ZNF350: variants seen among roughly 807,000 people sequenced by gnomAD.
ZNF350 encodes KRAB zinc finger protein ZFQR.
ZNF350 carries 5 observed loss-of-function variants against 13.1 expected under a neutral mutation model. The ratio of observed to expected loss-of-function variants is 0.38; its 90% CI spans 0.20 to 0.80. The LOEUF (loss-of-function observed/expected upper bound fraction) is 0.80. Among genes scored for constraint, ZNF350 ranks in the 30% least tolerant of loss-of-function variants. The probability of loss-of-function intolerance (pLI) is 0.43; values close to 1 mark genes in which losing one functional copy is unlikely to be tolerated. For missense variants in ZNF350, 534 were observed against 644.2 expected (o/e 0.83, Z 1.85); for synonymous variants, 199 against 224.2 (o/e 0.89, Z 1.00).
chr19:51,968,674 C>T lies in ZNF350; in HGVS notation c.143-1G>A, dbSNP rs971706670. 10 of 1,613,934 alleles carry T rather than the reference C, an allele frequency of 6.2e-6. No homozygotes were observed. Among genetic ancestry groups the T allele is most frequent in the Non-Finnish European group, 8.5e-6 (10 of 1,179,848 alleles). ...GCATCCGGTTTGCTGGCTTGATACCCTGTTCATGGAAAATGATAGAGGACT... is the reference window on the plus strand; with the variant it reads ...GCATCCGGTTTGCTGGCTTGATACCTTGTTCATGGAAAATGATAGAGGACT... On this transcript the variant is annotated splice_acceptor_variant, in intron 3 of 4. Transcript: ENST00000243644. LOFTEE classifies it high-confidence loss of function.
chr19:51,965,934 A>T lies in ZNF350; in HGVS notation c.519T>A (p.His173Gln), dbSNP rs760833275. Residue 173 changes from histidine (H) to glutamine (Q), a missense_variant, in exon 5 of 5, where the codon CAT becomes CAA. By Grantham distance (24) the His-to-Gln change is conservative. Transcript: ENST00000243644. Reference protein sequence around the residue: ...SFLHANHERLHTAIKFPASQK... With the variant: ...SFLHANHERLQTAIKFPASQK... ...GACTTGCAGGGAATTTAATTGCAGT[A>T]TGAAGTCGTTCATGGTTAGCATGAA... The T allele has an allele frequency of 2.5e-6, 4 of 1,613,982 alleles. No individual in the cohort carries two copies. The highest frequency in any genetic ancestry group is 1.7e-5 in the Admixed American group (1 of 60,008).
Position 51,968,581 on chromosome 19 carries a change from A to T in ZNF350, c.235T>A (p.Ser79Thr). 6.2e-7 allele frequency: 1 copy of T among 1,614,006 alleles called. No individual in the cohort carries two copies. Among genetic ancestry groups the T allele is most frequent in the East Asian group, 2.2e-5 (1 of 44,860 alleles). ...TCTGTCTTGTGGGTTCTCTCACCTGAACAGGCTCCACTGTGGATTCCATCT... is the reference window on the plus strand; with the variant it reads ...TCTGTCTTGTGGGTTCTCTCACCTGTACAGGCTCCACTGTGGATTCCATCT... ...IEDGIHSGACSDIWKVDHVLE... is the reference protein window; with the variant it reads ...IEDGIHSGACTDIWKVDHVLE... Residue 79 changes from serine to threonine, a missense_variant, in exon 4 of 5, where the codon TCA becomes ACA. Transcript: ENST00000243644.
chr19:51,985,278 C>A (rs1389783344), intron 1 of ZNF350, among the ~76,000 whole-genome samples: 2 of 152,234 alleles, frequency 1.3e-5, no homozygotes, highest in South Asian at 4.1e-4. Context: ...GGTAATAAAA[C>A]AAGAACGTCC....
chr19:51,974,437 T>C lies in ZNF350; in HGVS notation c.-77A>G. The C allele has an allele frequency of 1.3e-6, 2 of 1,551,660 alleles. No individual in the cohort carries two copies. Among genetic ancestry groups the C allele is most frequent in the South Asian group, 1.1e-5 (1 of 87,662 alleles). ...TCTTCTGGCCTTCTCTTCAGAAGTC[T>C]CAGTTTTCAATCAAGTGTGCCCCAA... On this transcript the variant is annotated 5_prime_UTR_variant, in exon 2 of 5. Coordinates refer to ENST00000243644, the MANE Select transcript of ZNF350 (RefSeq NM_021632.4).
chr19:51,972,677 A>G (rs1599939970), intron 2 of ZNF350, among the ~76,000 whole-genome samples: 1 of 151,270 alleles, frequency 6.6e-6, no homozygotes, highest in African/African-American at 2.4e-5. Context: ...CTACAGATAG[A>G]TTCATATATA....
rs1434962005 is a variant in ZNF350, at chr19:51,974,437, TCA to T, written c.-79_-78del. The T allele has an allele frequency of 2.8e-5, 44 of 1,551,542 alleles. No homozygotes were observed. The highest frequency in any genetic ancestry group is 3.9e-5 in the Non-Finnish European group (44 of 1,131,048). On this transcript the variant is annotated 5_prime_UTR_variant, in exon 2 of 5. Transcript: ENST00000243644. ...TCTTCTGGCCTTCTCTTCAGAAGTC[TCA>T]GTTTTCAATCAAGTGTGCCCCAAGA...
chr19:51,967,677 T>C lies in ZNF350; in HGVS notation c.238+901A>G, dbSNP rs902066165. 2.6e-5 allele frequency among the ~76,000 whole-genome samples: 4 copies of C among 152,096 alleles called. No individual in the cohort carries two copies. In the East Asian group the frequency reaches 5.8e-4, roughly 22 times the overall value. On this transcript the variant is annotated intron_variant, in intron 4 of 4. Coordinates refer to ENST00000243644, the MANE Select transcript of ZNF350 (RefSeq NM_021632.4). ...AATACAGAAAGGAACCAAATGGAAG[T>C]AGGCGGGAGTTGAGAATGTAGGATG...
chr19:51,980,837 T>A (rs1375857882), intron 1 of ZNF350: 1 of 152,200 alleles, frequency 6.6e-6, no homozygotes, highest in Non-Finnish European at 1.5e-5. Context: ...CTGGAGAGCC[T>A]CAACCCTTGG....
intron 2 of ZNF350, among the ~76,000 whole-genome samples, chr19:51,970,078 T>TTTTTG (rs2085692616): frequency 6.7e-6 from 1 of 149,206 alleles, no homozygotes. Context: ...TTTTTTTTTT[T>TTTTTG]GAGACGGAGT....
Position 51,964,776 on chromosome 19 carries a change from TCA to T in ZNF350, c.*76_*77del. On this transcript the variant is annotated 3_prime_UTR_variant, in exon 5 of 5. Transcript: ENST00000243644. The stretch of plus-strand genomic sequence containing the variant: ...CTATCTCAGCCTTATACATGTTCTC[TCA>T]GTGTATGCTTTTCGGCCACATAATG... The T allele has an allele frequency of 6.8e-7, 1 of 1,476,310 alleles. No individual in the cohort carries two copies. Among genetic ancestry groups the T allele is most frequent in the Non-Finnish European group, 9.2e-7 (1 of 1,090,252 alleles). 91.5% of individuals were successfully genotyped at this position (1,476,310 alleles called of 1,614,324 possible).
intron 3 of ZNF350, 48 bp from the exon 4 acceptor site, chr19:51,968,721 G>C (rs775536624): frequency 2.6e-6 from 4 of 1,565,512 alleles, no homozygotes; most frequent in Non-Finnish European, 3.5e-6. Flanking sequence ...AATTGGGCTG[G>C]CAATGTCAAG....
intron 1 of ZNF350, among the ~76,000 whole-genome samples, chr19:51,982,602 A>T (rs1222645817): frequency 2.0e-5 from 3 of 152,246 alleles, no homozygotes; most frequent in Non-Finnish European, 4.4e-5. Flanking sequence ...AAAAATGTCA[A>T]GTCTCCCAAA....
chr19:51,975,775 CTG>C (rs1196279705), intron 1 of ZNF350, among the ~76,000 whole-genome samples: 1 of 152,254 alleles, frequency 6.6e-6, no homozygotes, highest in Non-Finnish European at 1.5e-5. Flanking sequence ...GAGTCTCACT[CTG>C]TCGCCCAGGC....
chr19:51,982,493 G>A (rs913421878), intron 1 of ZNF350, among the ~76,000 whole-genome samples: 1 of 152,034 alleles, frequency 6.6e-6, no homozygotes, highest in South Asian at 2.1e-4. Flanking sequence ...AGAAGAACTC[G>A]AATATATTTT....
At chr19:51,982,070 A>T (rs2086059240) in intron 1 of ZNF350, 1 of 152,208 alleles carries the variant, frequency 6.6e-6, no homozygotes, top group Admixed American at 6.5e-5. Flanking sequence ...AAACTAAAAA[A>T]AAAATTTAAT....
intron 2 of ZNF350, among the ~76,000 whole-genome samples, chr19:51,972,641 G>A (rs1599939857): frequency 1.3e-5 from 2 of 151,872 alleles, no homozygotes; most frequent in South Asian, 4.1e-4. Flanking sequence ...ATATATATAT[G>A]TGTATATCAT....
intron 2 of ZNF350, among the ~76,000 whole-genome samples, chr19:51,969,657 C>G (rs1232541653): frequency 6.6e-6 from 1 of 151,866 alleles, no homozygotes; most frequent in African/African-American, 2.4e-5. Context: ...CATGAGACCC[C>G]ATCTGTACAA....
At chr19:51,968,766 T>G in intron 3 of ZNF350, 93 bp from the exon 4 acceptor site, 1 of 1,471,058 alleles carries the variant, frequency 6.8e-7, no homozygotes. Flanking sequence ...AACTTGAGTT[T>G]CTTAAAATAC....
chr19:51,979,065 C>A (rs1019896882), intron 1 of ZNF350, among the ~76,000 whole-genome samples: 5 of 151,990 alleles, frequency 3.3e-5, no homozygotes, highest in Non-Finnish European at 5.9e-5. Context: ...GGGCCCAGTC[C>A]CTCCTGTACG....
Sources: allele counts gnomAD v4.1 joint callset (sites outside exome capture counted in the v4.1 genomes callset), GRCh38; gene constraint gnomAD v4.1.1; transcripts MANE v1.5; gene names NCBI Gene and HGNC (gene_info 2026-07-23, HGNC 2026-07-21).